The following PSMA3 variants were observed in gnomAD, a reference collection of about 807,000 sequenced individuals.
PSMA3 encodes proteasome 20S subunit alpha 3, also known as proteasome subunit alpha type-3.
Under a neutral mutation model 40.0 loss-of-function variants are expected in PSMA3, and 8 were observed. The observed-to-expected ratio is 0.20, with a 90% CI of 0.12 to 0.36. The LOEUF (loss-of-function observed/expected upper bound fraction) is 0.36. Among genes scored for constraint, PSMA3 ranks in the 10% least tolerant of loss-of-function variants. The probability of loss-of-function intolerance (pLI) is 1.00; values close to 1 mark genes in which losing one functional copy is unlikely to be tolerated. For missense variants in PSMA3, 219 were observed against 310.6 expected, an observed-to-expected ratio of 0.70 and a Z score of 2.22; for synonymous variants, 110 against 100.0, an observed-to-expected ratio of 1.10 and a Z score of -0.59.
At chr14:58,251,671 G>A (rs923026146) in intron 2 of PSMA3, among the ~76,000 whole-genome samples, 7 of 152,120 alleles carry the variant, frequency 4.6e-5, no homozygotes, top group Admixed American at 1.3e-4. Flanking sequence ...GGAAAAATTG[G>A]AAGAAAGAGA....
At chr14:58,269,550 A>T (rs1450159908) in intron 8 of PSMA3, 3 of 151,398 alleles carry the variant, frequency 2.0e-5, no homozygotes, top group African/African-American at 7.3e-5. Context: ...CTCCTGCCTC[A>T]GTTTCCCGAG....
chr14:58,248,034 G>C (rs988344195), intron 2 of PSMA3, among the ~76,000 whole-genome samples: 1 of 151,598 alleles, frequency 6.6e-6, no homozygotes. Context: ...TATCCACTTA[G>C]ATTTTCCATG....
intron 8 of PSMA3, chr14:58,270,204 T>G (rs1296014887): frequency 6.2e-6 from 4 of 644,596 alleles, no homozygotes; most frequent in Admixed American, 7.3e-5. Context: ...ATTAGGTATA[T>G]TCAACATTTG....
intron 7 of PSMA3, chr14:58,266,047 T>C (rs1434349183): frequency 1.3e-5 from 2 of 152,246 alleles, no homozygotes; most frequent in Non-Finnish European, 2.9e-5. Context: ...CTACACTGTC[T>C]TTTTAACTAT....
chr14:58,262,353 G>A (rs1890306811), intron 6 of PSMA3, among the ~76,000 whole-genome samples: 1 of 152,060 alleles, frequency 6.6e-6, no homozygotes. Flanking sequence ...TTAGAAGCAT[G>A]CATCACCACA....
intron 2 of PSMA3, among the ~76,000 whole-genome samples, chr14:58,249,348 AAT>A (rs945707410): frequency 1.3e-5 from 2 of 152,060 alleles, no homozygotes; most frequent in Non-Finnish European, 2.9e-5. Flanking sequence ...TTTAAAAAAA[AAT>A]GTTTATTTAT....
rs777885645 is a variant in PSMA3, at chr14:58,260,974, A to G, written c.431A>G (p.Asn144Ser). The G allele has an allele frequency of 1.4e-5, 22 of 1,612,856 alleles. No individual in the cohort carries two copies. Among genetic ancestry groups the G allele is most frequent in the Non-Finnish European group, 1.6e-5 (19 of 1,179,204 alleles). ...CSFMLGSYSV[N>S]DGAQLYMIDP... ...TTCATGTTAGGGTCTTACAGTGTGA[A>G]TGACGGTGCGCAACTCTACATGATT... Residue 144 changes from asparagine (N) to serine (S), a missense_variant, in exon 6 of 11, where the codon AAT (asparagine) becomes AGT (serine). Physicochemically the swap from Asn to Ser is conservative, Grantham distance 46. Transcript: ENST00000216455.
At chr14:58,254,098 C>CT (rs1890081844) in intron 3 of PSMA3, among the ~76,000 whole-genome samples, 2 of 151,284 alleles carry the variant, frequency 1.3e-5, no homozygotes, top group Admixed American at 1.3e-4. Context: ...TTGTTCCTGT[C>CT]TTTGTATCCA....
chr14:58,264,467 A>G (rs1202043748), intron 7 of PSMA3, among the ~76,000 whole-genome samples: 2 of 152,200 alleles, frequency 1.3e-5, no homozygotes, highest in Non-Finnish European at 2.9e-5. Flanking sequence ...GATCAACTTA[A>G]AGACTTCATG....
chr14:58,247,744 CT>C lies in PSMA3; in HGVS notation c.22-4del. ...ACAAGCTTACTGTTGCCCTTTTCTC[CT>C]TAAGTATGACCTGTCAGCCTCTACA... On this transcript the variant is annotated splice_region_variant and splice_polypyrimidine_tract_variant and intron_variant, in intron 1 of 10. Transcript: ENST00000216455. 1 of 1,583,108 alleles carries C rather than the reference CT, an allele frequency of 6.3e-7. No individual in the cohort carries two copies. Among genetic ancestry groups the C allele is most frequent in the Non-Finnish European group, 8.7e-7 (1 of 1,155,746 alleles).
chr14:58,267,436 G>C, intron 7 of PSMA3, 38 bp from the exon 8 acceptor site: 1 of 1,461,168 alleles, frequency 6.8e-7, no homozygotes, highest in South Asian at 1.6e-5. Flanking sequence ...AGTGGAAAAT[G>C]TTCTTCTGAT....
Position 58,257,733 on chromosome 14 carries a change from C to T in PSMA3, c.229-12C>T, listed in dbSNP as rs1566640511. 5 of 1,596,742 alleles carry T rather than the reference C, an allele frequency of 3.1e-6. No individual in the cohort carries two copies. The highest frequency in any genetic ancestry group is 1.1e-5 in the South Asian group (1 of 90,458). On this transcript the variant is annotated splice_polypyrimidine_tract_variant and intron_variant, in intron 3 of 10. Coordinates refer to ENST00000216455, the MANE Select transcript of PSMA3 (RefSeq NM_002788.4). ...AATGTGTTCCTCTAGTAAATTGGTG[C>T]TTTTTTTTCAGGCAGTAGCAGGTTT...
chr14:58,259,217 A>T (rs1890214475), intron 5 of PSMA3, among the ~76,000 whole-genome samples: 1 of 152,222 alleles, frequency 6.6e-6, no homozygotes, highest in Admixed American at 6.5e-5. Flanking sequence ...CATGTAAAAT[A>T]CCTTTCAACT....
At chr14:58,248,152 T>G (rs933994474) in intron 2 of PSMA3, among the ~76,000 whole-genome samples, 3 of 152,240 alleles carry the variant, frequency 2.0e-5, no homozygotes, top group African/African-American at 7.2e-5. Flanking sequence ...ACCTTGTTAT[T>G]TTTTATTTCT....
intron 10 of PSMA3, among the ~76,000 whole-genome samples, chr14:58,271,570 G>A (rs181593280): frequency 2.7e-4 from 41 of 152,152 alleles, no homozygotes; most frequent in Non-Finnish European, 4.9e-4. Context: ...TTGAACTCAC[G>A]TGATCTGCCT....
At chr14:58,257,149 C>T (rs984614281) in intron 3 of PSMA3, among the ~76,000 whole-genome samples, 14 of 148,498 alleles carry the variant, frequency 9.4e-5, no homozygotes, top group Non-Finnish European at 1.6e-4. Flanking sequence ...GGTTTTTATT[C>T]GTTATAATGA....
At position 58,271,853 on chromosome 14, in the gene PSMA3, ATC is replaced by A; in HGVS notation, c.730_731del (p.Leu244GlufsTer5). ...AAACACCTGTTTTCTCTTAACAGGA[ATC>A]TCTGAAGGAAGAAGATGAATCAGAT... ...REEAEKYAKE[S>X]LKEEDESDDD... On this transcript the variant is annotated frameshift_variant, in exon 11 of 11. Coordinates refer to ENST00000216455, the MANE Select transcript of PSMA3 (RefSeq NM_002788.4). LOFTEE classifies it high-confidence loss of function. The A allele has an allele frequency of 6.3e-7, 1 of 1,597,836 alleles. No homozygotes were observed. Among genetic ancestry groups the A allele is most frequent in the Non-Finnish European group, 8.6e-7 (1 of 1,165,838 alleles).
chr14:58,246,292 T>C (rs1240956965), intron 1 of PSMA3, among the ~76,000 whole-genome samples: 6 of 152,260 alleles, frequency 3.9e-5, no homozygotes, highest in African/African-American at 1.4e-4. Context: ...ATTTTGCATC[T>C]ACTACAGTCT....
chr14:58,270,887 A>T (rs753781067), intron 9 of PSMA3, 47 bp from the exon 10 acceptor site: 1 of 1,459,144 alleles, frequency 6.9e-7, no homozygotes, highest in East Asian at 2.3e-5. Context: ...AAGTTACAAT[A>T]TGGTACTCAA....
Sources: gnomAD v4.1 joint callset for allele counts (sites outside exome capture counted in the v4.1 genomes callset) on GRCh38, gnomAD v4.1.1 for gene constraint, MANE v1.5 for transcripts, NCBI Gene and HGNC (gene_info 2026-07-23, HGNC 2026-07-21) for gene names.